RMND1: variants seen among roughly 807,000 people sequenced by gnomAD.
RMND1 encodes the protein required for meiotic nuclear division protein 1 homolog.
RMND1 carries 41 observed loss-of-function variants against 54.0 expected under a neutral mutation model. The observed-to-expected ratio is 0.76, with a 90% CI of 0.59 to 0.98. RMND1 has a LOEUF of 0.98. RMND1 is among the 50% of genes least tolerant of loss of function. RMND1 has a pLI of 0.00. For synonymous variants in RMND1, 183 were observed against 181.7 expected, an observed-to-expected ratio of 1.01 and a Z score of -0.06; for missense variants, 457 against 532.0, an observed-to-expected ratio of 0.86 and a Z score of 1.39.
At chr6:151,428,699 C>T (rs927649514) in intron 5 of RMND1, among the ~76,000 whole-genome samples, 3 of 152,098 alleles carry the variant, frequency 2.0e-5, no homozygotes, top group Non-Finnish European at 2.9e-5. Flanking sequence ...ACCTGGCTAA[C>T]TTCTAAAAAC....
chr6:151,414,550 A>G (rs1286956179), intron 10 of RMND1, among the ~76,000 whole-genome samples: 5 of 152,198 alleles, frequency 3.3e-5, no homozygotes. Context: ...AGCAATTCTG[A>G]ACACATTTGA....
chr6:151,418,826 A>G (rs1042955593), intron 9 of RMND1, among the ~76,000 whole-genome samples: 8 of 152,134 alleles, frequency 5.3e-5, no homozygotes, highest in East Asian at 3.9e-4. Flanking sequence ...GCTGGAGTGT[A>G]TTGGCGCGAT....
intron 1 of RMND1, among the ~76,000 whole-genome samples, chr6:151,450,701 T>G (rs1004474690): frequency 6.6e-6 from 1 of 151,510 alleles, no homozygotes; most frequent in Non-Finnish European, 1.5e-5. Flanking sequence ...CTGGGAGGTG[T>G]ACTCAACAGC....
chr6:151,450,455 G>GGGCCAGCCCCCCGCCC (rs1781121765), intron 1 of RMND1, among the ~76,000 whole-genome samples: 1 of 89,374 alleles, frequency 1.1e-5, no homozygotes, highest in Non-Finnish European at 2.3e-5. Context: ...GGAGGTGGGG[G>GGGCCAGCCCCCCGCCC]GGCCAGCCCC....
At chr6:151,410,477 A>G (rs1047203076) in intron 10 of RMND1, among the ~76,000 whole-genome samples, 1 of 152,038 alleles carries the variant, frequency 6.6e-6, no homozygotes. Context: ...TGAACTCTCA[A>G]CCCCTTCTAA....
intron 10 of RMND1, among the ~76,000 whole-genome samples, chr6:151,412,111 C>T (rs923219035): frequency 1.3e-5 from 2 of 152,150 alleles, no homozygotes; most frequent in Admixed American, 6.5e-5. Context: ...AAGCGATTTT[C>T]CTGCCTCAGC....
At chr6:151,443,271 T>C (rs1235712184) in intron 2 of RMND1, among the ~76,000 whole-genome samples, 1 of 152,176 alleles carries the variant, frequency 6.6e-6, no homozygotes, top group Non-Finnish European at 1.5e-5. Context: ...CAAAAAATGA[T>C]GTTCCAAAAT....
In RMND1 at chr6:151,417,382, C is replaced by G. The variant is rs1327828381; in HGVS notation, c.1097G>C (p.Ser366Thr). 6.2e-7 allele frequency: 1 copy of G among 1,606,660 alleles called. No individual in the cohort carries two copies. Reference protein sequence around the residue: ...LFALRHRINLSSDFLITPDFY... With the variant: ...LFALRHRINLTSDFLITPDFY... ...ATCAGGAGTAATCAGGAAGTCTGAA[C>G]TCAAGTTTATACGGTGCCTTTAAAA... The change falls in exon 10 of 12, where the codon AGT (serine) becomes ACT (threonine). Residue 366 changes from serine (S) to threonine (T), a missense_variant. Transcript: ENST00000444024.
rs1780921058 is a variant in RMND1, at chr6:151,445,333, T to G, written c.479A>C (p.Asn160Thr). The G allele has an allele frequency of 6.2e-7, 1 of 1,611,788 alleles. No homozygotes were observed. The highest frequency in any genetic ancestry group is 1.1e-5 in the South Asian group (1 of 90,848). The change falls in exon 2 of 12, where the codon AAC becomes ACC. Residue 160 changes from asparagine to threonine, a missense_variant. Asn to Thr is a moderately conservative substitution (Grantham distance 65). Transcript: ENST00000444024. ...CTCGTTCACAGACAGAACTGGAAGGTTGGTCCTGGATGGCTGTCTGGTCCT... is the reference window on the plus strand; with the variant it reads ...CTCGTTCACAGACAGAACTGGAAGGGTGGTCCTGGATGGCTGTCTGGTCCT... ...ASRTRQPSRTNLPVLSVNEDL... is the reference protein window; with the variant it reads ...ASRTRQPSRTTLPVLSVNEDL...
chr6:151,422,443 G>T, intron 8 of RMND1, 98 bp downstream of exon 8: 1 of 562,262 alleles, frequency 1.8e-6, no homozygotes, highest in Non-Finnish European at 3.0e-6. Flanking sequence ...AATCTCCCAT[G>T]GATACTGATG....
Position 151,436,430 on chromosome 6 carries a change from G to A in RMND1, c.613+16C>T. ...TACATTTTAACATACTTGGCCCCAG[G>A]TTCAAGAAGAAGTACCTCTAGGCAA... is the stretch of plus-strand genomic sequence containing the variant. On this transcript the variant is annotated intron_variant, in intron 3 of 11. Transcript: ENST00000444024. The A allele has an allele frequency of 3.7e-6, 6 of 1,613,520 alleles. No individual in the cohort carries two copies. The highest frequency in any genetic ancestry group is 5.1e-6 in the Non-Finnish European group (6 of 1,179,544).
chr6:151,430,221 T>A, intron 4 of RMND1, 44 bp from the exon 5 acceptor site: 1 of 1,376,152 alleles, frequency 7.3e-7, no homozygotes, highest in East Asian at 2.3e-5. Flanking sequence ...ACAGATGGAA[T>A]ACATTCTTTA....
chr6:151,411,090 C>T (rs1779818211), intron 10 of RMND1, among the ~76,000 whole-genome samples: 1 of 152,090 alleles, frequency 6.6e-6, no homozygotes, highest in Non-Finnish European at 1.5e-5. Flanking sequence ...CCCTCAAGTA[C>T]CTGGGATCAC....
chr6:151,447,571 C>G (rs566637513), intron 1 of RMND1, among the ~76,000 whole-genome samples: 1 of 152,158 alleles, frequency 6.6e-6, no homozygotes, highest in Non-Finnish European at 1.5e-5. Context: ...TTTACTACCT[C>G]TCTTCAGGAT....
At position 151,445,561 on chromosome 6, in the gene RMND1, T is replaced by C. The variant is rs1780930993; in HGVS notation, c.251A>G (p.Asn84Ser). The change falls in exon 2 of 12, where the codon AAT becomes AGT. Residue 84 changes from asparagine to serine, a missense_variant. Coordinates refer to ENST00000444024, the MANE Select transcript of RMND1 (RefSeq NM_017909.4). ...KSDTSMLSPL[N>S]AARCQDEKAH... ...CTTTTCATCTTGGCAACGAGCAGCA[T>C]TTAATGGAGACAGCATGCTGGTATC... is the stretch of plus-strand genomic sequence containing the variant. 1.2e-6 allele frequency: 2 copies of C among 1,614,112 alleles called. No homozygotes were observed. Among genetic ancestry groups the C allele is most frequent in the Non-Finnish European group, 1.7e-6 (2 of 1,180,050 alleles).
intron 1 of RMND1, among the ~76,000 whole-genome samples, chr6:151,448,071 C>T (rs920473548): frequency 6.6e-6 from 1 of 152,194 alleles, no homozygotes; most frequent in South Asian, 2.1e-4. Flanking sequence ...CTGCCTTGGC[C>T]TCCTAAAGTG....
intron 2 of RMND1, among the ~76,000 whole-genome samples, chr6:151,443,410 C>T (rs1351305468): frequency 6.6e-6 from 1 of 152,110 alleles, no homozygotes; most frequent in Non-Finnish European, 1.5e-5. Context: ...CTCCCGAGTT[C>T]AAGAGATTCT....
intron 6 of RMND1, among the ~76,000 whole-genome samples, chr6:151,426,629 G>A (rs951065685): frequency 6.6e-6 from 1 of 152,114 alleles, no homozygotes; most frequent in Non-Finnish European, 1.5e-5. Flanking sequence ...GGATTAGGCT[G>A]ATTAGAAACT....
At chr6:151,410,245 C>G (rs369889229) in intron 10 of RMND1, among the ~76,000 whole-genome samples, 4 of 151,976 alleles carry the variant, frequency 2.6e-5, no homozygotes, top group South Asian at 4.2e-4. Flanking sequence ...TTAGTAGAGA[C>G]GGGGTCTCAC....
Sources: gnomAD v4.1 joint callset for allele counts (sites outside exome capture counted in the v4.1 genomes callset) on GRCh38, gnomAD v4.1.1 for gene constraint, MANE v1.5 for transcripts, NCBI Gene and HGNC (gene_info 2026-07-23, HGNC 2026-07-21) for gene names.